MAFF: variants seen among roughly 807,000 people sequenced by gnomAD.
MAFF encodes transcription factor MafF.
A neutral mutation model predicts 2.7 loss-of-function variants in MAFF; 4 were observed. The ratio of observed to expected loss-of-function variants is 1.48; its 90% confidence interval spans 0.73 to 3.39. The LOEUF (loss-of-function observed/expected upper bound fraction) is 3.39. MAFF is among the 30% of genes most tolerant of loss of function. MAFF has a pLI of 0.01. For synonymous variants in MAFF, 113 were observed against 119.4 expected, an observed-to-expected ratio of 0.95 and a Z score of 0.35; for missense variants, 190 against 246.6, an observed-to-expected ratio of 0.77 and a Z score of 1.54.
intron 1 of MAFF, among the ~76,000 whole-genome samples, chr22:38,206,442 T>G (rs1242199309): frequency 6.6e-6 from 1 of 150,698 alleles, no homozygotes; most frequent in East Asian, 2.0e-4. Context: ...CCCGGGTTCA[T>G]GCAATTCTTC....
chr22:38,210,522 T>G (rs1455627841), intron 1 of MAFF, among the ~76,000 whole-genome samples: 2 of 151,906 alleles, frequency 1.3e-5, no homozygotes, highest in Non-Finnish European at 2.9e-5. Context: ...GGCATTCTAA[T>G]CGGGGGGTTG....
chr22:38,209,350 C>G (rs1164147968), intron 1 of MAFF, among the ~76,000 whole-genome samples: 2 of 152,090 alleles, frequency 1.3e-5, no homozygotes, highest in African/African-American at 4.8e-5. Flanking sequence ...TAGGCATGAG[C>G]CACCTTGCCC....
chr22:38,207,867 C>A lies in MAFF; in HGVS notation c.-32+5655C>A, dbSNP rs1458786362. ...ATGCTGGCTGTATGAGCCTGGACTA[C>A]TCTATTGTCCTCTCTGGGCATTACC... On this transcript the variant is annotated intron_variant, in intron 1 of 2. Transcript: ENST00000338483. 2.6e-5 allele frequency among the ~76,000 whole-genome samples: 4 copies of A among 152,170 alleles called. No individual in the cohort carries two copies. The East Asian group carries it at 7.7e-4, about 29-fold the overall frequency.
In MAFF at chr22:38,215,110, G is replaced by A. The variant is rs2091137674; in HGVS notation, c.*232G>A. 2.1e-6 allele frequency: 1 copy of A among 477,100 alleles called. No individual in the cohort carries two copies. The highest frequency in any genetic ancestry group is 3.9e-6 in the Non-Finnish European group (1 of 259,182). The allele number at this position is 477,100 out of a possible 1,614,324, so 29.6% of individuals were successfully genotyped here. A position where few individuals can be genotyped will look rare whatever the true frequency, so the allele number is the denominator to read the frequency against. ...GGGGATGGGGCAGAGGTCTGGATCT[G>A]GGATCGCCCTTGGCTGAAAGTTTAG... On this transcript the variant is annotated 3_prime_UTR_variant, in exon 3 of 3. Coordinates refer to ENST00000338483, the MANE Select transcript of MAFF (RefSeq NM_012323.4).
chr22:38,205,714 C>G (rs1419979636), intron 1 of MAFF: 5 of 152,226 alleles, frequency 3.3e-5, no homozygotes, highest in African/African-American at 1.2e-4. Flanking sequence ...GACAGAGGAC[C>G]CCTGGGTTCC....
chr22:38,214,737 G>A lies in MAFF; in HGVS notation c.354G>A (p.Ala118=). 1.4e-6 allele frequency: 2 copies of A among 1,414,652 alleles called. No individual in the cohort carries two copies. Among genetic ancestry groups the A allele is most frequent in the East Asian group, 3.0e-5 (1 of 33,152 alleles). The allele number at this position is 1,414,652 out of a possible 1,614,324, so 87.6% of individuals were successfully genotyped here. The change falls in exon 3 of 3, where the codon GCG becomes GCA. Residue 118 remains alanine, a synonymous_variant. Coordinates refer to ENST00000338483, the MANE Select transcript of MAFF (RefSeq NM_012323.4). The surrounding 1 kb of genome is among the most constrained non-coding windows in gnomAD (Gnocchi z 6.3). ...RGKCEALQGF[A]RSVAAARGPA... ...AGTGCGAGGCGCTGCAGGGCTTCGC[G>A]CGCTCCGTGGCCGCCGCCCGCGGGC...
At chr22:38,209,398 T>A (rs1236831847) in intron 1 of MAFF, among the ~76,000 whole-genome samples, 1 of 152,100 alleles carries the variant, frequency 6.6e-6, no homozygotes, top group Non-Finnish European at 1.5e-5. Context: ...GCTGGTGGCA[T>A]GGTCAGATTC....
intron 1 of MAFF, among the ~76,000 whole-genome samples, chr22:38,205,996 G>C (rs559787223): frequency 2.8e-4 from 42 of 152,278 alleles, no homozygotes; most frequent in African/African-American, 9.1e-4. Context: ...TCCAGGATGC[G>C]GTTGAGGGGG....
At chr22:38,213,109 G>A (rs180796751) in intron 1 of MAFF, among the ~76,000 whole-genome samples, 178 of 150,608 alleles carry the variant, frequency 1.2e-3, no homozygotes, top group African/African-American at 3.9e-3. Flanking sequence ...CACGGGAGGC[G>A]GAGGTTGCAG....
rs2091125636 is a variant in MAFF at position 38,214,326 on chromosome 22, C to T, written c.37-94C>T. ...GGTTTTGGATCAAGTCCACCCACCA[C>T]CTCGGCGGCTAAGGCGGTGAAAGAG... On this transcript the variant is annotated intron_variant, in intron 2 of 2. Coordinates refer to ENST00000338483, the MANE Select transcript of MAFF (RefSeq NM_012323.4). This position sits in a 1 kb window ranked among gnomAD's most constrained non-coding sequence, Gnocchi z 6.3. 8.1e-7 allele frequency: 1 copy of T among 1,234,180 alleles called. No homozygotes were observed. Among genetic ancestry groups the T allele is most frequent in the African/African-American group, 1.5e-5 (1 of 65,896 alleles). The allele number at this position is 1,234,180 out of a possible 1,614,324, so 76.5% of individuals were successfully genotyped here. A position where few individuals can be genotyped will look rare whatever the true frequency, so the allele number is the denominator to read the frequency against.
Position 38,215,152 on chromosome 22 carries a change from GAT to G in MAFF, c.*276_*277del, listed in dbSNP as rs921029900. The G allele has an allele frequency of 6.8e-5, 28 of 412,864 alleles. No individual in the cohort carries two copies. Among genetic ancestry groups the G allele is most frequent in the Admixed American group, 9.6e-5 (2 of 20,882 alleles). 25.6% of individuals were successfully genotyped at this position (412,864 alleles called of 1,614,324 possible). A position where few individuals can be genotyped will look rare whatever the true frequency, so the allele number is the denominator to read the frequency against. On this transcript the variant is annotated 3_prime_UTR_variant, in exon 3 of 3. Transcript: ENST00000338483. Reference sequence around the variant, plus strand: ...AAAGTTTAGCCTTTTTAGATTGAGAGATACAGAGCCGGCTTAGAGAACAGCTG... The same window carrying G: ...AAAGTTTAGCCTTTTTAGATTGAGAGACAGAGCCGGCTTAGAGAACAGCTG...
chr22:38,211,593 T>C (rs1444773185), intron 1 of MAFF, among the ~76,000 whole-genome samples: 1 of 152,122 alleles, frequency 6.6e-6, no homozygotes, highest in African/African-American at 2.4e-5. Context: ...CAGTGAGCCG[T>C]GGGAAGGTCC....
At chr22:38,210,144 G>T (rs766549085) in intron 1 of MAFF, among the ~76,000 whole-genome samples, 5 of 152,184 alleles carry the variant, frequency 3.3e-5, no homozygotes, top group Non-Finnish European at 5.9e-5. Flanking sequence ...ATCCGCACAG[G>T]GGTCTAAAGC....
At chr22:38,212,792 A>G (rs1263713824) in intron 1 of MAFF, among the ~76,000 whole-genome samples, 3 of 152,026 alleles carry the variant, frequency 2.0e-5, no homozygotes, top group Non-Finnish European at 4.4e-5. Flanking sequence ...GGGGTGCTGG[A>G]TGGGCTTTGT....
intron 1 of MAFF, chr22:38,203,789 G>A (rs1290836519): frequency 1.3e-5 from 2 of 152,264 alleles, no homozygotes; most frequent in Admixed American, 6.5e-5. Flanking sequence ...TCTACCACTG[G>A]GAACTAGGTA....
chr22:38,209,159 G>T (rs367959576), intron 1 of MAFF, among the ~76,000 whole-genome samples: 1 of 151,928 alleles, frequency 6.6e-6, no homozygotes, highest in African/African-American at 2.4e-5. Context: ...TTCACCTCCC[G>T]GGTTCACGCC....
chr22:38,212,282 T>C (rs960414303), intron 1 of MAFF, among the ~76,000 whole-genome samples: 3 of 152,236 alleles, frequency 2.0e-5, no homozygotes, highest in Non-Finnish European at 4.4e-5. Context: ...ATTACAGGCG[T>C]GAGCCACCGC....
At chr22:38,209,813 CAAAAAAAAAAAAA>C (rs398037113) in intron 1 of MAFF, among the ~76,000 whole-genome samples, 3 of 76,470 alleles carry the variant, frequency 3.9e-5, no homozygotes, top group African/African-American at 1.6e-4. Flanking sequence ...GACTCCATCT[CAAAAAAAAAAAAA>C]AAAAAAAAAG....
In MAFF at chr22:38,214,762, C is replaced by A; in HGVS notation, c.379C>A (p.Pro127Thr). 1 of 1,421,798 alleles carries A rather than the reference C, an allele frequency of 7.0e-7. No homozygotes were observed. Among genetic ancestry groups the A allele is most frequent in the Non-Finnish European group, 9.1e-7 (1 of 1,095,150 alleles). 88.1% of individuals were successfully genotyped at this position (1,421,798 alleles called of 1,614,324 possible). Residue 127 changes from proline to threonine, a missense_variant, in exon 3 of 3, where the codon CCC becomes ACC. Physicochemically the swap from Pro to Thr is conservative, Grantham distance 38. Coordinates refer to ENST00000338483, the MANE Select transcript of MAFF (RefSeq NM_012323.4). The surrounding 1 kb of genome is among the most constrained non-coding windows in gnomAD (Gnocchi z 6.3). ...FARSVAAARG[P>T]ATLVAPASVI... The stretch of plus-strand genomic sequence containing the variant: ...GCGCTCCGTGGCCGCCGCCCGCGGG[C>A]CCGCCACGCTCGTGGCGCCGGCCAG...
Sources: gnomAD v4.1 joint callset for allele counts (sites outside exome capture counted in the v4.1 genomes callset) on GRCh38, gnomAD v4.1.1 for gene constraint, Gnocchi (gnomAD v3.1) non-coding constraint, MANE v1.5 for transcripts, NCBI Gene and HGNC (gene_info 2026-07-23, HGNC 2026-07-21) for gene names.